Variants in SLC9A2 observed in about 807,000 individuals in gnomAD.
SLC9A2 encodes sodium/hydrogen exchanger 2.
Under a neutral mutation model 71.7 loss-of-function variants are expected in SLC9A2, and 42 were observed. That is an observed-to-expected ratio of 0.59 (90% CI 0.46 to 0.76). The LOEUF is 0.76. Among genes scored for constraint, SLC9A2 ranks in the 30% least tolerant of loss-of-function variants. The pLI is 0.00. For synonymous variants in SLC9A2, 396 were observed against 392.5 expected (o/e 1.01, Z -0.10); for missense variants, 829 against 1,017.4 (o/e 0.81, Z 2.52).
chr2:102,641,614 T>C (rs1441554161), intron 1 of SLC9A2, among the ~76,000 whole-genome samples: 1 of 151,960 alleles, frequency 6.6e-6, no homozygotes, highest in Non-Finnish European at 1.5e-5. Context: ...TGTAATTGTG[T>C]TGAAACTTAC....
At chr2:102,670,238 G>A (rs1033742855) in intron 3 of SLC9A2, among the ~76,000 whole-genome samples, 13 of 150,486 alleles carry the variant, frequency 8.6e-5, no homozygotes, top group Non-Finnish European at 1.8e-4. Context: ...GGATGGTCTC[G>A]ATCTCCTGAC....
chr2:102,620,153 T>A lies in SLC9A2; in HGVS notation c.289+16T>A. On this transcript the variant is annotated intron_variant, in intron 1 of 11. Coordinates refer to ENST00000233969, the MANE Select transcript of SLC9A2 (RefSeq NM_003048.6). The stretch of plus-strand genomic sequence containing the variant: ...GCCAAGATTGGTGAGCGAACTGGAC[T>A]TGTGGGGAATGGGAGGGGGCGATCT... The A allele has an allele frequency of 1.9e-6, 3 of 1,584,552 alleles. No individual in the cohort carries two copies. The highest frequency in any genetic ancestry group is 1.7e-6 in the Non-Finnish European group (2 of 1,160,118).
chr2:102,666,497 G>A (rs935663135), intron 3 of SLC9A2, among the ~76,000 whole-genome samples: 3 of 152,102 alleles, frequency 2.0e-5, no homozygotes, highest in Non-Finnish European at 4.4e-5. Flanking sequence ...GCGCCCAGCC[G>A]GTTTAGCTTT....
chr2:102,687,303 C>T (rs1047453723), intron 5 of SLC9A2, among the ~76,000 whole-genome samples: 6 of 152,174 alleles, frequency 3.9e-5, no homozygotes, highest in African/African-American at 1.2e-4. Flanking sequence ...CGTGCACAAG[C>T]GTGCATGCAC....
chr2:102,702,813 G>A (rs1249641246), intron 9 of SLC9A2, among the ~76,000 whole-genome samples: 1 of 152,182 alleles, frequency 6.6e-6, no homozygotes, highest in East Asian at 1.9e-4. Context: ...TTATAGCTTA[G>A]ACTTTAAAAA....
At chr2:102,624,689 T>C (rs1216280085) in intron 1 of SLC9A2, among the ~76,000 whole-genome samples, 1 of 152,208 alleles carries the variant, frequency 6.6e-6, no homozygotes, top group African/African-American at 2.4e-5. Context: ...CAAGTGTCAC[T>C]GGTCACTCTG....
intron 3 of SLC9A2, 138 bp downstream of exon 3, chr2:102,665,488 T>G: frequency 9.5e-7 from 1 of 1,050,212 alleles, no homozygotes; most frequent in Non-Finnish European, 1.4e-6. Context: ...AAAAATAGAT[T>G]TTTCGGACGG....
intron 5 of SLC9A2, among the ~76,000 whole-genome samples, chr2:102,684,586 C>T (rs1366446388): frequency 6.6e-6 from 1 of 152,202 alleles, no homozygotes; most frequent in Non-Finnish European, 1.5e-5. Context: ...AATCTTATGA[C>T]TGGAAACAGG....
At chr2:102,700,546 G>A (rs1187075542) in intron 7 of SLC9A2, among the ~76,000 whole-genome samples, 1 of 152,194 alleles carries the variant, frequency 6.6e-6, no homozygotes, top group Non-Finnish European at 1.5e-5. Context: ...ATTGCCCACT[G>A]CAGTTATATC....
chr2:102,623,849 C>A (rs1676191825), intron 1 of SLC9A2, among the ~76,000 whole-genome samples: 1 of 151,994 alleles, frequency 6.6e-6, no homozygotes, highest in South Asian at 2.1e-4. Context: ...AGTGGAGGAT[C>A]CGAATAACAT....
intron 1 of SLC9A2, among the ~76,000 whole-genome samples, chr2:102,635,284 G>A (rs1233786917): frequency 2.6e-5 from 4 of 152,224 alleles, no homozygotes; most frequent in Non-Finnish European, 5.9e-5. Context: ...AAGTCTTGGT[G>A]TTCAGGGTTG....
intron 11 of SLC9A2, 146 bp from the exon 12 acceptor site, chr2:102,707,973 C>A (rs184442153): frequency 1.3e-6 from 1 of 796,512 alleles, no homozygotes. Context: ...CAAGGCCACT[C>A]ACCTAAAATT....
At chr2:102,692,557 CTT>C (rs1424305593) in intron 5 of SLC9A2, among the ~76,000 whole-genome samples, 1 of 152,176 alleles carries the variant, frequency 6.6e-6, no homozygotes, top group Non-Finnish European at 1.5e-5. Flanking sequence ...ACTTGGGAAT[CTT>C]GACTCTCACC....
In SLC9A2 at chr2:102,665,248, G is replaced by A. The variant is rs754828200; in HGVS notation, c.902G>A (p.Arg301Gln). The change falls in exon 3 of 12, where the codon CGA becomes CAA. Residue 301 changes from arginine to glutamine, a missense_variant. Around this residue, in one of 3 missense-constraint regions of SLC9A2, gnomAD observed 500 missense variants for 726.3 expected, o/e 0.69. Transcript: ENST00000233969. ...GGCTTTATAGCGGCATTTACTACTC[G>A]ATTCACCCATAATATCCGAGTGATC... Reference protein sequence around the residue: ...FLGFIAAFTTRFTHNIRVIEP... With the variant: ...FLGFIAAFTTQFTHNIRVIEP... 9 of 1,614,000 alleles carry A rather than the reference G, an allele frequency of 5.6e-6. No homozygotes were observed. Among genetic ancestry groups the A allele is most frequent in the South Asian group, 5.5e-5 (5 of 91,070 alleles).
In SLC9A2 at chr2:102,708,483, GC is replaced by G; in HGVS notation, c.2435del (p.Pro812LeufsTer22). The stretch of plus-strand genomic sequence containing the variant: ...GGAAAGCCCGATTTGGGAGTGAGAA[GC>G]CTTAAGAGAAGCAGCGAAAGCAGAT... Reference protein sequence around the residue: ...SRKARFGSEKP With the variant: ...SRKARFGSEKX On this transcript the variant is annotated frameshift_variant, in exon 12 of 12. Transcript: ENST00000233969. LOFTEE classifies it high-confidence loss of function. 6.2e-7 allele frequency: 1 copy of G among 1,613,394 alleles called. No homozygotes were observed. Among genetic ancestry groups the G allele is most frequent in the Non-Finnish European group, 8.5e-7 (1 of 1,179,618 alleles).
At chr2:102,638,115 C>T (rs769234136) in intron 1 of SLC9A2, among the ~76,000 whole-genome samples, 5 of 152,188 alleles carry the variant, frequency 3.3e-5, no homozygotes, top group Non-Finnish European at 5.9e-5. Flanking sequence ...TCTTTGAACC[C>T]ACTAGATAGG....
In SLC9A2 at chr2:102,707,356, T is replaced by G. The variant is rs147120410; in HGVS notation, c.2069-763T>G. On this transcript the variant is annotated intron_variant, in intron 11 of 11. Transcript: ENST00000233969. ...TTAACTGAGAAGAGGGAAACCTAAATGATGGCTGGTGGTAAAGGAGTGTGA... is the reference window on the plus strand; with the variant it reads ...TTAACTGAGAAGAGGGAAACCTAAAGGATGGCTGGTGGTAAAGGAGTGTGA... Among the ~76,000 whole-genome samples, 92 of 147,894 alleles carry G rather than the reference T, an allele frequency of 6.2e-4. No individual in the cohort carries two copies. In the East Asian group the frequency reaches 0.018, roughly 29 times the overall value.
chr2:102,657,219 AT>A (rs1676960147), intron 1 of SLC9A2, among the ~76,000 whole-genome samples: 1 of 151,936 alleles, frequency 6.6e-6, no homozygotes, highest in Non-Finnish European at 1.5e-5. Context: ...AAAAAAAATA[AT>A]AATAATAATA....
intron 3 of SLC9A2, among the ~76,000 whole-genome samples, chr2:102,666,696 G>A (rs572507684): frequency 1.0e-3 from 152 of 152,290 alleles, no homozygotes; most frequent in African/African-American, 3.4e-3. Flanking sequence ...GGAGGCGGAG[G>A]CTGCTCATTG....
Sources: allele counts gnomAD v4.1 joint callset (sites outside exome capture counted in the v4.1 genomes callset), GRCh38; gene constraint gnomAD v4.1.1; regional missense constraint gnomAD v4.1.1; transcripts MANE v1.5; gene names NCBI Gene and HGNC (gene_info 2026-07-23, HGNC 2026-07-21).